ASCC1: variants seen among roughly 807,000 people sequenced by gnomAD.
ASCC1 encodes ASC-1 complex subunit P50.
Under a neutral mutation model 46.6 loss-of-function variants are expected in ASCC1, and 35 were observed. The observed-to-expected ratio is 0.75, with a 90% CI of 0.57 to 0.99. ASCC1 has a LOEUF of 0.99. ASCC1 is among the 50% of genes least tolerant of loss of function. The pLI is 0.00. For missense variants in ASCC1, 376 were observed against 428.7 expected, an observed-to-expected ratio of 0.88 and a Z score of 1.09; for synonymous variants, 143 against 146.6, an observed-to-expected ratio of 0.98 and a Z score of 0.18.
chr10:72,131,792 G>A (rs1254882748), intron 8 of ASCC1, among the ~76,000 whole-genome samples: 1 of 151,700 alleles, frequency 6.6e-6, no homozygotes, highest in Non-Finnish European at 1.5e-5. Context: ...AACTAAAAGG[G>A]ACACACAAAT....
chr10:72,193,842 A>T (rs1005748304), intron 5 of ASCC1, among the ~76,000 whole-genome samples: 14 of 140,934 alleles, frequency 9.9e-5, no homozygotes, highest in African/African-American at 2.6e-5. Context: ...AATAATACTG[A>T]TTTTTTTTTT....
rs112002616 is a variant in ASCC1 at position 72,188,935 on chromosome 10, C to T, written c.489+7876G>A. Reference sequence around the variant, plus strand: ...CCACTGCGAGCTAATTTTTTATCTGCTGTAGAGACAGGGTCTCCCTAAATT... The same window carrying T: ...CCACTGCGAGCTAATTTTTTATCTGTTGTAGAGACAGGGTCTCCCTAAATT... On this transcript the variant is annotated intron_variant, in intron 5 of 9. Coordinates refer to ENST00000672957, the MANE Select transcript of ASCC1 (RefSeq NM_001198800.3). Among the ~76,000 whole-genome samples, 894 of 152,102 alleles carry T rather than the reference C, an allele frequency of 5.9e-3. 6 individuals are homozygous for T. Among genetic ancestry groups the T allele is most frequent in the African/African-American group, 0.02 (824 of 41,476 alleles).
intron 9 of ASCC1, chr10:72,103,027 A>G (rs1409512716): frequency 2.3e-6 from 1 of 431,072 alleles, no homozygotes; most frequent in East Asian, 7.6e-5. Context: ...AGGTATTGAC[A>G]ACAACAGTAA....
chr10:72,170,964 AC>A (rs113349989), intron 5 of ASCC1, among the ~76,000 whole-genome samples: 8 of 151,614 alleles, frequency 5.3e-5, no homozygotes, highest in South Asian at 2.1e-4. Flanking sequence ...GCAAGATCCC[AC>A]CCCCCCCAAT....
At chr10:72,204,549 A>C in intron 3 of ASCC1, 1 of 1,548,208 alleles carries the variant, frequency 6.5e-7, no homozygotes, top group Non-Finnish European at 8.7e-7. Context: ...ATAAAGCACT[A>C]AGAGGCCATC....
intron 7 of ASCC1, among the ~76,000 whole-genome samples, chr10:72,151,891 G>T (rs186346090): frequency 2.0e-5 from 3 of 151,592 alleles, no homozygotes; most frequent in African/African-American, 4.8e-5. Context: ...GGGTTTCACC[G>T]TGTTAGCCAG....
intron 7 of ASCC1, among the ~76,000 whole-genome samples, chr10:72,148,508 T>C (rs181446797): frequency 2.3e-3 from 352 of 152,254 alleles, no homozygotes; most frequent in African/African-American, 8.0e-3. Flanking sequence ...TCAAGGAAAA[T>C]AACTATCAGT....
chr10:72,191,563 A>G (rs1372011278), intron 5 of ASCC1, among the ~76,000 whole-genome samples: 1 of 152,178 alleles, frequency 6.6e-6, no homozygotes, highest in South Asian at 2.1e-4. Context: ...GTACAAAAAA[A>G]TTACTGAATC....
chr10:72,191,241 A>G (rs868247304), intron 5 of ASCC1, among the ~76,000 whole-genome samples: 1 of 130,738 alleles, frequency 7.6e-6, no homozygotes, highest in Non-Finnish European at 1.7e-5. Context: ...TTTTTTTTGT[A>G]TTTTTAGTAG....
intron 3 of ASCC1, among the ~76,000 whole-genome samples, chr10:72,205,492 G>A (rs1175703811): frequency 1.3e-5 from 2 of 151,844 alleles, no homozygotes; most frequent in African/African-American, 4.8e-5. Flanking sequence ...TTAGCCAGGC[G>A]TGGTGACAGG....
intron 9 of ASCC1, among the ~76,000 whole-genome samples, chr10:72,100,017 T>G (rs1841557181): frequency 6.6e-6 from 1 of 152,166 alleles, no homozygotes; most frequent in African/African-American, 2.4e-5. Flanking sequence ...TCATCACCCT[T>G]GTATTTATTT....
At position 72,156,687 on chromosome 10, in the gene ASCC1, G is replaced by C. The variant is rs373810280; in HGVS notation, c.627-3699C>G. Among the ~76,000 whole-genome samples, 5 of 151,860 alleles carry C rather than the reference G, an allele frequency of 3.3e-5. No individual in the cohort carries two copies. The South Asian group carries it at 1.0e-3, about 32-fold the overall frequency. Reference sequence around the variant, plus strand: ...CTCAGGAGGCTGAGGCAGGAGAATGGCGCGAACCCAGGGGGCGGAGCTTGC... The same window carrying C: ...CTCAGGAGGCTGAGGCAGGAGAATGCCGCGAACCCAGGGGGCGGAGCTTGC... On this transcript the variant is annotated intron_variant, in intron 6 of 9. Coordinates refer to ENST00000672957, the MANE Select transcript of ASCC1 (RefSeq NM_001198800.3).
rs779680363 is a variant in ASCC1, at chr10:72,213,188, T to A, written c.111A>T (p.Gln37His). The A allele has an allele frequency of 3.1e-6, 5 of 1,601,810 alleles. No homozygotes were observed. Among genetic ancestry groups the A allele is most frequent in the Non-Finnish European group, 4.3e-6 (5 of 1,169,022 alleles). Residue 37 changes from glutamine to histidine, a missense_variant and splice_region_variant, in exon 2 of 10, where the codon CAA becomes CAT. Coordinates refer to ENST00000672957, the MANE Select transcript of ASCC1 (RefSeq NM_001198800.3). The stretch of plus-strand genomic sequence containing the variant: ...TGACCAAAGAGCAACTAGGATTACC[T>A]TGATAGAAGTCCTCTTCATCTTCTT... ...QHEEDEEDFY[Q>H]GSMECADEPC...
chr10:72,195,139 G>GTTTTTTTTTTTT (rs142672810), intron 5 of ASCC1, among the ~76,000 whole-genome samples: 7 of 61,018 alleles, frequency 1.1e-4, no homozygotes, highest in Non-Finnish European at 1.7e-4. Context: ...TTTTTGCTGT[G>GTTTTTTTTTTTT]TTTTTTTTTT....
At chr10:72,177,103 T>C (rs974179410) in intron 5 of ASCC1, among the ~76,000 whole-genome samples, 3 of 152,126 alleles carry the variant, frequency 2.0e-5, no homozygotes, top group Non-Finnish European at 4.4e-5. Context: ...TATATATACC[T>C]GGTATAAAGT....
chr10:72,200,736 T>A (rs1856384103), intron 4 of ASCC1, among the ~76,000 whole-genome samples: 2 of 152,054 alleles, frequency 1.3e-5, no homozygotes, highest in African/African-American at 2.4e-5. Context: ...GTAACTTGAA[T>A]GTTAAAACTC....
intron 7 of ASCC1, among the ~76,000 whole-genome samples, chr10:72,139,217 G>A (rs1373430661): frequency 4.7e-5 from 7 of 150,154 alleles, no homozygotes; most frequent in Non-Finnish European, 8.9e-5. Flanking sequence ...AGGTTCAAGC[G>A]ATTGTCCTGC....
At chr10:72,182,223 A>C (rs147032136) in intron 5 of ASCC1, among the ~76,000 whole-genome samples, 1 of 152,194 alleles carries the variant, frequency 6.6e-6, no homozygotes, top group Admixed American at 6.6e-5. Flanking sequence ...CAGGAACCAA[A>C]CATACACCTA....
chr10:72,214,426 A>T (rs952859481), intron 1 of ASCC1, among the ~76,000 whole-genome samples: 5 of 121,326 alleles, frequency 4.1e-5, no homozygotes, highest in Non-Finnish European at 6.3e-5. Context: ...CCCAGGCTGG[A>T]GTGCAATGAC....
Sources: allele counts gnomAD v4.1 joint callset (sites outside exome capture counted in the v4.1 genomes callset), GRCh38; gene constraint gnomAD v4.1.1; transcripts MANE v1.5; gene names NCBI Gene and HGNC (gene_info 2026-07-23, HGNC 2026-07-21).